POPDC2: variants seen among roughly 807,000 people sequenced by gnomAD.
POPDC2 encodes the protein popeye domain cAMP effector 2.
Under a neutral mutation model 30.5 loss-of-function variants are expected in POPDC2, and 24 were observed. The ratio of observed to expected loss-of-function variants is 0.79; its 90% CI spans 0.57 to 1.11. POPDC2 has a LOEUF of 1.11. POPDC2 is among the 50% of genes least tolerant of loss of function. The probability of loss-of-function intolerance (pLI) is 0.00; values close to 1 mark genes in which losing one functional copy is unlikely to be tolerated. For missense variants in POPDC2, 409 were observed against 447.0 expected, an observed-to-expected ratio of 0.91 and a Z score of 0.77; for synonymous variants, 185 against 183.3, an observed-to-expected ratio of 1.01 and a Z score of -0.07.
In POPDC2 at chr3:119,660,169, A is replaced by C. The variant is rs983781820; in HGVS notation, c.255T>G (p.Ala85=). The change falls in exon 1 of 4, where the codon GCT becomes GCG. Residue 85 remains alanine, a synonymous_variant. Transcript: ENST00000493094. ...GTGCCAGCTGGAGCAGGCAGACCAC[A>C]GCCAGCAGGAAGCTCCAAAGAACAA... ...LDIVLWSFLL[A]VVCLLQLAHL... is the part of the protein sequence containing the mutation. 8 of 1,614,116 alleles carry C rather than the reference A, an allele frequency of 5.0e-6. No homozygotes were observed. The African/African-American group carries it at 1.1e-4, about 22-fold the overall frequency.
At chr3:119,659,739 T>C (rs567747362) in intron 1 of POPDC2, among the ~76,000 whole-genome samples, 194 bp downstream of exon 1, 8 of 152,304 alleles carry the variant, frequency 5.3e-5, no homozygotes, top group Admixed American at 1.3e-4. Flanking sequence ...TGGTTTCTTC[T>C]TGGAAAATGC....
At chr3:119,646,562 TTTTGGAGG>T (rs2107813871) in intron 3 of POPDC2, among the ~76,000 whole-genome samples, 1 of 152,158 alleles carries the variant, frequency 6.6e-6, no homozygotes, top group South Asian at 2.1e-4. Flanking sequence ...TCGCTTGAGC[TTTTGGAGG>T]TAGAGATTGC....
chr3:119,646,605 A>C (rs1273297951), intron 3 of POPDC2, among the ~76,000 whole-genome samples: 1 of 152,150 alleles, frequency 6.6e-6, no homozygotes, highest in Non-Finnish European at 1.5e-5. Context: ...ATGCCACTGC[A>C]CTCCATCCTG....
Position 119,648,587 on chromosome 3 carries a change from A to T in POPDC2, c.682T>A (p.Tyr228Asn). The T allele has an allele frequency of 6.2e-7, 1 of 1,614,218 alleles. No homozygotes were observed. The highest frequency in any genetic ancestry group is 8.5e-7 in the Non-Finnish European group (1 of 1,180,044). The part of the protein sequence containing the change: ...SLHLLLTKER[Y>N]ISCLFSALLG... ...AGAGCCGAGAAGAGGCAGGAGATGT[A>T]TCGCTCTTTGGTCAGAAGAAGATGG... The change falls in exon 3 of 4, where the codon TAC (tyrosine) becomes AAC (asparagine). Residue 228 changes from tyrosine (Y) to asparagine (N), a missense_variant. Transcript: ENST00000493094.
intron 3 of POPDC2, among the ~76,000 whole-genome samples, chr3:119,647,814 A>G (rs929058524): frequency 2.0e-5 from 3 of 152,256 alleles, no homozygotes; most frequent in Non-Finnish European, 4.4e-5. Flanking sequence ...AAGCCCCTTA[A>G]GCCCCAGCTG....
chr3:119,654,639 G>A (rs774916888), intron 1 of POPDC2, 26 bp from the exon 2 acceptor site: 1 of 1,581,438 alleles, frequency 6.3e-7, no homozygotes, highest in Non-Finnish European at 8.7e-7. Flanking sequence ...AAGAGATCAT[G>A]TGGGAAAAGG....
chr3:119,659,873 T>C lies in POPDC2; in HGVS notation c.491+60A>G, dbSNP rs1230201331. 1.7e-5 allele frequency: 26 copies of C among 1,514,976 alleles called. No individual in the cohort carries two copies. The highest frequency in any genetic ancestry group is 3.6e-4 in the Middle Eastern group (2 of 5,490). 93.8% of individuals were successfully genotyped at this position (1,514,976 alleles called of 1,614,324 possible). A position where few individuals can be genotyped will look rare whatever the true frequency, so the allele number is the denominator to read the frequency against. On this transcript the variant is annotated intron_variant, in intron 1 of 3. Transcript: ENST00000493094. ...GGACATGAAATGGAAAGGGACACAC[T>C]AGGAAATGAGAAGTGTGGGCTGGGG... is the stretch of plus-strand genomic sequence containing the variant.
At position 119,642,097 on chromosome 3, in the gene POPDC2, C is replaced by T. The variant is rs8422; in HGVS notation, c.*508G>A. 0.19 allele frequency: 29,451 copies of T among 157,232 alleles called. 3,428 individuals are homozygous for T. The highest frequency in any genetic ancestry group is 0.28 in the Admixed American group (4,368 of 15,684). 9.7% of individuals were successfully genotyped at this position (157,232 alleles called of 1,614,324 possible). ...TTTATTGAGTGCTTACTTGGTGCCA[C>T]GGCATGTGCTAGGTGCTTACCTAAA... On this transcript the variant is annotated 3_prime_UTR_variant, in exon 4 of 4. Transcript: ENST00000493094.
intron 3 of POPDC2, among the ~76,000 whole-genome samples, chr3:119,644,870 C>A (rs2052728148): frequency 6.6e-6 from 1 of 152,124 alleles, no homozygotes; most frequent in Non-Finnish European, 1.5e-5. Flanking sequence ...AGAGTAATAA[C>A]CTTATAGCAA....
rs114193371 is a variant in POPDC2 at position 119,649,103 on chromosome 3, A to T, written c.601-435T>A. Among the ~76,000 whole-genome samples, 444 of 152,336 alleles carry T rather than the reference A, an allele frequency of 2.9e-3. 4 individuals are homozygous for T. Among genetic ancestry groups the T allele is most frequent in the South Asian group, 6.6e-3 (32 of 4,830 alleles). On this transcript the variant is annotated intron_variant, in intron 2 of 3. Coordinates refer to ENST00000493094, the MANE Select transcript of POPDC2 (RefSeq NM_001369919.2). Reference sequence around the variant, plus strand: ...TTTTAAGAATGAGGAAGGGTAAGATATTGGGGTAGGGACATAAAAAGAGTT... The same window carrying T: ...TTTTAAGAATGAGGAAGGGTAAGATTTTGGGGTAGGGACATAAAAAGAGTT...
At chr3:119,644,262 A>G (rs2052721213) in intron 3 of POPDC2, among the ~76,000 whole-genome samples, 1 of 152,240 alleles carries the variant, frequency 6.6e-6, no homozygotes. Context: ...TCCAAATGTC[A>G]GACAGCTTTC....
intron 2 of POPDC2, among the ~76,000 whole-genome samples, chr3:119,651,219 T>G (rs879688465): frequency 6.6e-6 from 1 of 152,194 alleles, no homozygotes. Flanking sequence ...GGCTCTTTCC[T>G]CTGTCTGATA....
Position 119,660,488 on chromosome 3 carries a change from G to T in POPDC2, c.-65C>A. On this transcript the variant is annotated 5_prime_UTR_variant, in exon 1 of 4. Transcript: ENST00000493094. ...TCCTCACATAGGAAATTCAGAAAAT[G>T]AATGAATCCATCCGCTCAGGGGTCT... 6.6e-7 allele frequency: 1 copy of T among 1,525,806 alleles called. No individual in the cohort carries two copies. Among genetic ancestry groups the T allele is most frequent in the South Asian group, 1.3e-5 (1 of 78,192 alleles). 94.5% of individuals were successfully genotyped at this position (1,525,806 alleles called of 1,614,324 possible). A position where few individuals can be genotyped will look rare whatever the true frequency, so the allele number is the denominator to read the frequency against.
At chr3:119,654,680 G>T in intron 1 of POPDC2, 67 bp from the exon 2 acceptor site, 4 of 1,122,130 alleles carry the variant, frequency 3.6e-6, no homozygotes, top group Non-Finnish European at 5.4e-6. Context: ...CTATGCTGAA[G>T]TTAGGTGTCG....
At chr3:119,642,597 T>C (rs756300938) in intron 3 of POPDC2, 36 bp from the exon 4 acceptor site, 3 of 1,392,812 alleles carry the variant, frequency 2.2e-6, no homozygotes, top group East Asian at 2.3e-5. Context: ...TTTAGCACTA[T>C]GTCTCTGGAC....
rs140096609 is a variant in POPDC2, at chr3:119,657,293, G to A, written c.491+2640C>T. ...GCTGCTAGGCATAGGCAAGTGATAA[G>A]TCCTGGCCAATGGGATATCAGCACT... On this transcript the variant is annotated intron_variant, in intron 1 of 3. Transcript: ENST00000493094. 4.1e-3 allele frequency among the ~76,000 whole-genome samples: 629 copies of A among 152,252 alleles called. 2 individuals carry two copies. Among genetic ancestry groups the A allele is most frequent in the Non-Finnish European group, 7.0e-3 (473 of 68,026 alleles).
At chr3:119,653,134 T>C (rs999325281) in intron 2 of POPDC2, among the ~76,000 whole-genome samples, 4 of 152,166 alleles carry the variant, frequency 2.6e-5, no homozygotes, top group Admixed American at 1.3e-4. Flanking sequence ...ACAGAAATGG[T>C]AGATCCAGGC....
intron 2 of POPDC2, among the ~76,000 whole-genome samples, chr3:119,652,619 G>A (rs532579959): frequency 2.8e-4 from 43 of 152,332 alleles, no homozygotes; most frequent in East Asian, 1.5e-3. Context: ...CTGTTCCTCC[G>A]TGTCAGTGTC....
At chr3:119,649,091 G>C (rs2052781881) in intron 2 of POPDC2, among the ~76,000 whole-genome samples, 1 of 152,222 alleles carries the variant, frequency 6.6e-6, no homozygotes, top group Non-Finnish European at 1.5e-5. Context: ...TAAGAATGAG[G>C]AAGGGTAAGA....
Sources: gnomAD v4.1 joint callset for allele counts (sites outside exome capture counted in the v4.1 genomes callset) on GRCh38, gnomAD v4.1.1 for gene constraint, MANE v1.5 for transcripts, NCBI Gene and HGNC (gene_info 2026-07-23, HGNC 2026-07-21) for gene names.